CCDC187: variants seen among roughly 807,000 people sequenced by gnomAD.
CCDC187 encodes the protein coiled-coil domain-containing protein 187.
A neutral mutation model predicts 38.0 loss-of-function variants in CCDC187; 32 were observed. The observed-to-expected ratio is 0.84, with a 90% confidence interval of 0.64 to 1.13. CCDC187 has a LOEUF of 1.13. Among genes scored for constraint, CCDC187 ranks in the 50% most tolerant of loss-of-function variants. The probability of loss-of-function intolerance (pLI) is 0.00; values close to 1 mark genes in which losing one functional copy is unlikely to be tolerated. For missense variants in CCDC187, 707 were observed against 786.8 expected, an observed-to-expected ratio of 0.90 and a Z score of 1.21; for synonymous variants, 333 against 347.9, an observed-to-expected ratio of 0.96 and a Z score of 0.48.
intron 10 of CCDC187, chr9:136,281,340 A>G (rs1254933771): frequency 2.5e-6 from 1 of 398,266 alleles, no homozygotes; most frequent in Non-Finnish European, 4.4e-6. Context: ...CCGAGGGCCC[A>G]TCACTGCAGG....
At chr9:136,284,468 G>C (rs914252185) in intron 9 of CCDC187, among the ~76,000 whole-genome samples, 1 of 152,186 alleles carries the variant, frequency 6.6e-6, no homozygotes, top group Non-Finnish European at 1.5e-5. Context: ...CCCGGGTTCC[G>C]GGGCTGCCTG....
At position 136,290,038 on chromosome 9, in the gene CCDC187, C is replaced by T. The variant is rs907627959; in HGVS notation, c.2143G>A (p.Gly715Arg). The part of the protein sequence containing the change: ...SAQSGGLEAS[G>R]SLESPVLEWS... ...TCCAGCACTGGGGACTCCAGGCTCC[C>T]GGAGGCTTCCAGGCCCTAAAGTAGA... The change falls in exon 7 of 26, where the codon GGG (glycine) becomes AGG (arginine). Residue 715 changes from glycine to arginine, a missense_variant. Transcript: ENST00000638797. The T allele has an allele frequency of 2.3e-5, 9 of 398,606 alleles. No homozygotes were observed. The highest frequency in any genetic ancestry group is 4.4e-5 in the Admixed American group (1 of 22,726). 24.7% of individuals were successfully genotyped at this position (398,606 alleles called of 1,614,324 possible).
At position 136,250,647 on chromosome 9, in the gene CCDC187, T is replaced by A; in HGVS notation, c.*2947A>T. 4.7e-6 allele frequency: 2 copies of A among 423,694 alleles called. No homozygotes were observed. The highest frequency in any genetic ancestry group is 3.3e-5 in the South Asian group (2 of 60,576). The allele number at this position is 423,694 out of a possible 1,614,324, so 26.2% of individuals were successfully genotyped here. On this transcript the variant is annotated 3_prime_UTR_variant, in exon 26 of 26. Coordinates refer to ENST00000638797, the MANE Select transcript of CCDC187 (RefSeq NM_001378188.1). ...AAAGTTTGTTCTGAAATTGGGAGCA[T>A]GGAGCAGGAACACATTCCCCACTGG...
intron 14 of CCDC187, among the ~76,000 whole-genome samples, chr9:136,274,159 C>T (rs62579950): frequency 0.11 from 16,382 of 152,268 alleles, 1,205 homozygotes; most frequent in Admixed American, 0.19. Flanking sequence ...TGTACCCAGG[C>T]TTCCAGGAGA....
intron 14 of CCDC187, among the ~76,000 whole-genome samples, chr9:136,272,380 G>A (rs112709868): frequency 0.036 from 5,443 of 152,154 alleles, 205 homozygotes; most frequent in African/African-American, 0.094. Flanking sequence ...ATAAGCCTGG[G>A]CAACATGGCA....
At chr9:136,306,274 A>AC (rs1831803052), upstream of CCDC187, among the ~76,000 whole-genome samples, 1 of 151,942 alleles carries the variant, frequency 6.6e-6, no homozygotes, top group African/African-American at 2.4e-5. Context: ...ACCCATTCAG[A>AC]CCCTGCACCT....
chr9:136,286,686 C>T lies in CCDC187; in HGVS notation c.2232G>A (p.Leu744=). The T allele has an allele frequency of 1.0e-5, 4 of 398,774 alleles. No homozygotes were observed. The highest frequency in any genetic ancestry group is 3.6e-5 in the East Asian group (1 of 28,074). 24.7% of individuals were successfully genotyped at this position (398,774 alleles called of 1,614,324 possible). Residue 744 remains leucine (L), a synonymous_variant, in exon 8 of 26, where the codon CTG becomes CTA. Coordinates refer to ENST00000638797, the MANE Select transcript of CCDC187 (RefSeq NM_001378188.1). ...GGQEAPGSFC[L]CLNRAWNHAE... is the part of the protein sequence containing the mutation. The stretch of plus-strand genomic sequence containing the variant: ...CATGGTTCCAGGCTCTGTTCAAACA[C>T]AGGCAGAAGCTGCAGGAAGAGAGAC...
intron 9 of CCDC187, among the ~76,000 whole-genome samples, chr9:136,283,696 C>A: frequency 6.6e-6 from 1 of 152,224 alleles, no homozygotes; most frequent in East Asian, 1.9e-4. Flanking sequence ...TGGCTGCACC[C>A]AGGCTGTGCC....
Position 136,254,523 on chromosome 9 carries a change from C to T in CCDC187, c.5305G>A (p.Asp1769Asn). Residue 1769 changes from aspartate to asparagine, a missense_variant, in exon 26 of 26, where the codon GAC (aspartate) becomes AAC (asparagine). Asp to Asn is a conservative substitution (Grantham distance 23, BLOSUM62 1). Coordinates refer to ENST00000638797, the MANE Select transcript of CCDC187 (RefSeq NM_001378188.1). Reference sequence around the variant, plus strand: ...GCCCCGGTACAGGGTTCTGGCAGGTCCTCCTCGCAGTCCTCCTCCCAAACT... The same window carrying T: ...GCCCCGGTACAGGGTTCTGGCAGGTTCTCCTCGCAGTCCTCCTCCCAAACT... ...SKVWEEDCEE[D>N]LPEPCTGAKP... 1 of 985,470 alleles carries T rather than the reference C, an allele frequency of 1.0e-6. No homozygotes were observed. Among genetic ancestry groups the T allele is most frequent in the Non-Finnish European group, 1.2e-6 (1 of 829,948 alleles). The allele number at this position is 985,470 out of a possible 1,614,324, so 61.0% of individuals were successfully genotyped here. A position where few individuals can be genotyped will look rare whatever the true frequency, so the allele number is the denominator to read the frequency against.
Position 136,250,421 on chromosome 9 carries a change from T to C in CCDC187, c.*3173A>G. Reference sequence around the variant, plus strand: ...CACGTGGCAGCGAGCCTGGGAGCCATCAGATTCGCTGCAAATCTGCGGGGC... The same window carrying C: ...CACGTGGCAGCGAGCCTGGGAGCCACCAGATTCGCTGCAAATCTGCGGGGC... On this transcript the variant is annotated 3_prime_UTR_variant, in exon 26 of 26. Coordinates refer to ENST00000638797, the MANE Select transcript of CCDC187 (RefSeq NM_001378188.1). The C allele has an allele frequency of 3.4e-6, 1 of 292,302 alleles. No individual in the cohort carries two copies. Among genetic ancestry groups the C allele is most frequent in the Non-Finnish European group, 6.7e-6 (1 of 149,458 alleles). 18.1% of individuals were successfully genotyped at this position (292,302 alleles called of 1,614,324 possible). A position where few individuals can be genotyped will look rare whatever the true frequency, so the allele number is the denominator to read the frequency against.
intron 15 of CCDC187, 68 bp downstream of exon 15, chr9:136,267,981 G>C (rs1379611716): frequency 9.1e-6 from 9 of 985,358 alleles, no homozygotes; most frequent in Non-Finnish European, 1.1e-5. Flanking sequence ...GTTGGGTCCG[G>C]GGCCCACTAC....
Position 136,263,701 on chromosome 9 carries a change from G to A in CCDC187, c.3833C>T (p.Pro1278Leu), listed in dbSNP as rs1830707475. The A allele has an allele frequency of 1.0e-6, 1 of 985,360 alleles. No homozygotes were observed. Among genetic ancestry groups the A allele is most frequent in the Admixed American group, 6.1e-5 (1 of 16,278 alleles). 61.0% of individuals were successfully genotyped at this position (985,360 alleles called of 1,614,324 possible). Reference protein sequence around the residue: ...HQRDVVSMPGPVDILPIPGPT... With the variant: ...HQRDVVSMPGLVDILPIPGPT... ...CCCCGGGATGGGGAGGATGTCCACA[G>A]GCCCCGGCATGGAGACGACGTCCCT... Residue 1278 changes from proline to leucine, a missense_variant, in exon 18 of 26, where the codon CCT becomes CTT. Transcript: ENST00000638797.
At chr9:136,297,456 G>A (rs2131347717) in intron 4 of CCDC187, among the ~76,000 whole-genome samples, 1 of 152,136 alleles carries the variant, frequency 6.6e-6, no homozygotes, top group East Asian at 1.9e-4. Flanking sequence ...CTTTCACTTT[G>A]TCTCAAGGGA....
At chr9:136,267,846 C>T (rs868959405) in intron 15 of CCDC187, 2 of 984,912 alleles carry the variant, frequency 2.0e-6, no homozygotes, top group Middle Eastern at 1.0e-3. Flanking sequence ...AATGCCTGCC[C>T]CCCTCTGTCA....
chr9:136,300,499 C>T (rs935057899), intron 2 of CCDC187, among the ~76,000 whole-genome samples, 181 bp from the exon 3 acceptor site: 9 of 152,240 alleles, frequency 5.9e-5, no homozygotes, highest in African/African-American at 1.9e-4. Flanking sequence ...CTACAACCTC[C>T]GCCTCTTGGG....
In CCDC187 at chr9:136,253,705, C is replaced by G. The variant is rs1830577024; in HGVS notation, c.6123G>C (p.Gly2041=). 4.1e-6 allele frequency: 4 copies of G among 985,430 alleles called. No homozygotes were observed. The South Asian group carries it at 1.9e-4, about 46-fold the overall frequency. The allele number at this position is 985,430 out of a possible 1,614,324, so 61.0% of individuals were successfully genotyped here. A position where few individuals can be genotyped will look rare whatever the true frequency, so the allele number is the denominator to read the frequency against. ...TGATGGCGGTGTCCTCCTCAAGGGG[C>G]CCCGAGGGCGGGGAAGGGAAGGCAT... ...CSDAFPSPPS[G]PLEEDTAITT... is the part of the protein sequence containing the mutation. The change falls in exon 26 of 26, where the codon GGG becomes GGC. Residue 2041 remains glycine (G), a synonymous_variant. Coordinates refer to ENST00000638797, the MANE Select transcript of CCDC187 (RefSeq NM_001378188.1).
rs1384945612 is a variant in CCDC187, at chr9:136,253,574, A to G, written c.*20T>C. ...GTCAACGCTTCCACCCGGACCAGCC[A>G]CCCCTGGGCAGAGCCCCAACTACTG... is the stretch of plus-strand genomic sequence containing the variant. On this transcript the variant is annotated 3_prime_UTR_variant, in exon 26 of 26. Transcript: ENST00000638797. 1.0e-6 allele frequency: 1 copy of G among 984,422 alleles called. No homozygotes were observed. The highest frequency in any genetic ancestry group is 1.7e-5 in the African/African-American group (1 of 57,310). The allele number at this position is 984,422 out of a possible 1,614,324, so 61.0% of individuals were successfully genotyped here.
In CCDC187 at chr9:136,255,826, C is replaced by T. The variant is rs2131107271; in HGVS notation, c.4617-93G>A. 1.2e-5 allele frequency: 7 copies of T among 577,110 alleles called. No homozygotes were observed. In the South Asian group the frequency reaches 3.7e-4, roughly 31 times the overall value. 35.7% of individuals were successfully genotyped at this position (577,110 alleles called of 1,614,324 possible). On this transcript the variant is annotated intron_variant, in intron 24 of 25. Transcript: ENST00000638797. ...TGTCAGGGACCCCACCAGGCTCAGT[C>T]CACAGCTCACACTCGAAAAACATCC...
Position 136,252,498 on chromosome 9 carries a change from G to C in CCDC187, c.*1096C>G, listed in dbSNP as rs1388990324. 5.1e-6 allele frequency: 1 copy of C among 196,564 alleles called. No individual in the cohort carries two copies. The highest frequency in any genetic ancestry group is 2.4e-5 in the African/African-American group (1 of 41,374). 12.2% of individuals were successfully genotyped at this position (196,564 alleles called of 1,614,324 possible). A position where few individuals can be genotyped will look rare whatever the true frequency, so the allele number is the denominator to read the frequency against. On this transcript the variant is annotated 3_prime_UTR_variant, in exon 26 of 26. Coordinates refer to ENST00000638797, the MANE Select transcript of CCDC187 (RefSeq NM_001378188.1). The stretch of plus-strand genomic sequence containing the variant: ...ACCCGGTCCACCCTGGGAAGGTCCA[G>C]GCGACCATCCTGCACAGCCGGCCGC...
Sources: allele counts gnomAD v4.1 joint callset (sites outside exome capture counted in the v4.1 genomes callset), GRCh38; gene constraint gnomAD v4.1.1; transcripts MANE v1.5; gene names NCBI Gene and HGNC (gene_info 2026-07-23, HGNC 2026-07-21).